TICAM1: variants seen among roughly 807,000 people sequenced by gnomAD.
TICAM1 encodes the protein TIR domain containing adaptor molecule 1.
For missense variants in TICAM1, 895 were observed against 938.2 expected (o/e 0.95, Z 0.60); for synonymous variants, 439 against 415.4 (o/e 1.06, Z -0.69).
chr19:4,817,247 G>A lies in TICAM1; in HGVS notation c.1131C>T (p.Thr377=). 1 of 1,613,474 alleles carries A rather than the reference G, an allele frequency of 6.2e-7. No individual in the cohort carries two copies. Among genetic ancestry groups the A allele is most frequent in the African/African-American group, 1.3e-5 (1 of 74,806 alleles). The change falls in exon 2 of 2, where the codon ACC becomes ACT. Residue 377 remains threonine (T), a synonymous_variant. Coordinates refer to ENST00000248244, the MANE Select transcript of TICAM1 (RefSeq NM_182919.4). The surrounding 1 kb of genome is among the most constrained non-coding windows in gnomAD (Gnocchi z 4.7). ...PSSTPCSAHL[T]PSSLFPSSLE... ...GGGAGGAAGGGAACAGGGAGGAGGGGGTCAGGTGAGCTGAACAAGGAGTAG... is the reference window on the plus strand; with the variant it reads ...GGGAGGAAGGGAACAGGGAGGAGGGAGTCAGGTGAGCTGAACAAGGAGTAG...
chr19:4,817,468 A>C lies in TICAM1; in HGVS notation c.910T>G (p.Cys304Gly), dbSNP rs530685103. Residue 304 changes from cysteine (C) to glycine (G), a missense_variant, in exon 2 of 2, where the codon TGC becomes GGC. Physicochemically the swap from Cys to Gly is radical, Grantham distance 159. Coordinates refer to ENST00000248244, the MANE Select transcript of TICAM1 (RefSeq NM_182919.4). The surrounding 1 kb of genome is among the most constrained non-coding windows in gnomAD (Gnocchi z 4.7). ...PETSTNYPVE[C>G]TEGSAGPQSL... ...TGGGGGCCTGCAGACCCCTCGGTGCACTCCACTGGGTAGTTGGTGCTGGTT... is the reference window on the plus strand; with the variant it reads ...TGGGGGCCTGCAGACCCCTCGGTGCCCTCCACTGGGTAGTTGGTGCTGGTT... The C allele has an allele frequency of 2.5e-6, 4 of 1,613,908 alleles. No individual in the cohort carries two copies. Among genetic ancestry groups the C allele is most frequent in the South Asian group, 2.2e-5 (2 of 91,066 alleles).
intron 1 of TICAM1, among the ~76,000 whole-genome samples, chr19:4,826,375 A>C (rs2093605425): frequency 6.6e-6 from 1 of 152,008 alleles, no homozygotes; most frequent in Admixed American, 6.6e-5. Context: ...TCCAGGCTAG[A>C]GTGCAATGGC....
chr19:4,816,261 T>C lies in TICAM1; in HGVS notation c.2117A>G (p.Asp706Gly). The change falls in exon 2 of 2, where the codon GAC (aspartate) becomes GGC (glycine). Residue 706 changes from aspartate (D) to glycine (G), a missense_variant. Physicochemically the swap from Asp to Gly is moderately conservative, Grantham distance 94. Transcript: ENST00000248244. This position sits in a 1 kb window ranked among gnomAD's most constrained non-coding sequence, Gnocchi z 4.3. ...CGGTCATTCTGCCTCCTGCGTCTTG[T>C]CCTCGGGCGCCTGGGACCCTCTCTG... The part of the protein sequence containing the change: ...WNQRGSQAPE[D>G]KTQEAE 1 of 1,513,346 alleles carries C rather than the reference T, an allele frequency of 6.6e-7. No individual in the cohort carries two copies. The highest frequency in any genetic ancestry group is 2.3e-5 in the Admixed American group (1 of 44,308). The allele number at this position is 1,513,346 out of a possible 1,614,324, so 93.7% of individuals were successfully genotyped here. A position where few individuals can be genotyped will look rare whatever the true frequency, so the allele number is the denominator to read the frequency against.
At chr19:4,821,644 AT>A (rs67187848) in intron 1 of TICAM1, among the ~76,000 whole-genome samples, 14,771 of 136,460 alleles carry the variant, frequency 0.11, 774 homozygotes, top group Non-Finnish European at 0.15. Flanking sequence ...ATGGCCCACG[AT>A]TTTTTTTTTT....
rs1344974408 is a variant in TICAM1 at position 4,817,076 on chromosome 19, C to G, written c.1302G>C (p.Pro434=). Residue 434 remains proline, a synonymous_variant, in exon 2 of 2, where the codon CCG becomes CCC. Transcript: ENST00000248244. This position sits in a 1 kb window ranked among gnomAD's most constrained non-coding sequence, Gnocchi z 4.7. ...GATFCEDFQV[P]GRGELSCLQD... is the part of the protein sequence containing the mutation. ...GCAGGCAGCTCAGCTCCCCGCGCCC[C>G]GGCACCTGGAAATCCTCGCAGAAGG... 5.0e-6 allele frequency: 8 copies of G among 1,613,986 alleles called. No individual in the cohort carries two copies. The African/African-American group carries it at 8.0e-5, about 16-fold the overall frequency.
Position 4,817,698 on chromosome 19 carries a change from G to T in TICAM1, c.680C>A (p.Pro227His). 1 of 1,590,510 alleles carries T rather than the reference G, an allele frequency of 6.3e-7. No individual in the cohort carries two copies. ...FLSLHRSPHG[P>H]SKLCDDPQAS... ...CTGGGGGTCGTCACAGAGCTTGCTG[G>T]GCCCATGTGGGCTGCGGTGCAGGCT... is the stretch of plus-strand genomic sequence containing the variant. Residue 227 changes from proline to histidine, a missense_variant, in exon 2 of 2, where the codon CCC becomes CAC. Pro to His is a moderately conservative substitution (Grantham distance 77). Transcript: ENST00000248244. This position sits in a 1 kb window ranked among gnomAD's most constrained non-coding sequence, Gnocchi z 4.7.
chr19:4,827,068 C>G (rs559047275), intron 1 of TICAM1, among the ~76,000 whole-genome samples: 1 of 151,734 alleles, frequency 6.6e-6, no homozygotes. Flanking sequence ...AAAGGCCAGA[C>G]GGCCGGGCGC....
chr19:4,820,061 G>C (rs1378162314), intron 1 of TICAM1, among the ~76,000 whole-genome samples: 1 of 152,098 alleles, frequency 6.6e-6, no homozygotes, highest in Non-Finnish European at 1.5e-5. Context: ...TAGATTTTTA[G>C]AAATCCGCTC....
chr19:4,827,187 C>T (rs572897681), intron 1 of TICAM1, among the ~76,000 whole-genome samples: 1 of 150,540 alleles, frequency 6.6e-6, no homozygotes, highest in Non-Finnish European at 1.5e-5. Flanking sequence ...CCCGTCTGTA[C>T]TAAAAATACA....
chr19:4,818,604 G>C lies in TICAM1; in HGVS notation c.-139-88C>G. The C allele has an allele frequency of 1.2e-6, 1 of 864,824 alleles. No homozygotes were observed. The highest frequency in any genetic ancestry group is 1.6e-6 in the Non-Finnish European group (1 of 611,808). The allele number at this position is 864,824 out of a possible 1,614,324, so 53.6% of individuals were successfully genotyped here. A position where few individuals can be genotyped will look rare whatever the true frequency, so the allele number is the denominator to read the frequency against. On this transcript the variant is annotated intron_variant, in intron 1 of 1. Transcript: ENST00000248244. The surrounding 1 kb of genome is among the most constrained non-coding windows in gnomAD (Gnocchi z 4.0). ...CCACACACCCCCGCCTGCTTTCCCC[G>C]CCTGCCACCCAGACCTAGCCAGGTG...
rs943790887 is a variant in TICAM1 at position 4,818,111 on chromosome 19, G to C, written c.267C>G (p.Pro89=). 6.2e-7 allele frequency: 1 copy of C among 1,608,152 alleles called. No homozygotes were observed. The highest frequency in any genetic ancestry group is 1.7e-5 in the Admixed American group (1 of 59,980). The change falls in exon 2 of 2, where the codon CCC becomes CCG. Residue 89 remains proline (P), a synonymous_variant. Transcript: ENST00000248244. The surrounding 1 kb of genome is among the most constrained non-coding windows in gnomAD (Gnocchi z 4.0). ...GVDSTEDPEE[P]PDVSWAVARL... ...GGGCCACAGCCCAGGACACATCTGG[G>C]GGCTCCTCTGGGTCCTCGGTGCTGT...
rs1425299327 is a variant in TICAM1, at chr19:4,818,331, C to T, written c.47G>A (p.Gly16Asp). The T allele has an allele frequency of 2.5e-6, 4 of 1,611,836 alleles. No individual in the cohort carries two copies. The highest frequency in any genetic ancestry group is 2.2e-5 in the East Asian group (1 of 44,894). Residue 16 changes from glycine to aspartate, a missense_variant, in exon 2 of 2, where the codon GGT becomes GAT. Transcript: ENST00000248244. This position sits in a 1 kb window ranked among gnomAD's most constrained non-coding sequence, Gnocchi z 4.0. ...CAAGAGCTTGTCCTGGCCTGCTGCA[C>T]CTAGAATGTCGAAGGCGCTAGGAAG... The part of the protein sequence containing the change: ...PSLPSAFDIL[G>D]AAGQDKLLYL...
At chr19:4,827,524 C>T (rs564895650) in intron 1 of TICAM1, among the ~76,000 whole-genome samples, 6 of 151,026 alleles carry the variant, frequency 4.0e-5, no homozygotes, top group South Asian at 2.1e-4. Flanking sequence ...TTTGGGAGGC[C>T]GAGGCGGGCA....
chr19:4,827,357 G>GTGAAACT (rs1555731130), intron 1 of TICAM1, among the ~76,000 whole-genome samples: 164 of 87,642 alleles, frequency 1.9e-3, no homozygotes, highest in African/African-American at 6.6e-3. Context: ...GGCTACAAGA[G>GTGAAACT]TGAAACTCTG....
In TICAM1 at chr19:4,817,015, G is replaced by A. The variant is rs2093587073; in HGVS notation, c.1363C>T (p.Leu455Phe). 6.2e-7 allele frequency: 1 copy of A among 1,614,036 alleles called. No individual in the cohort carries two copies. The highest frequency in any genetic ancestry group is 8.5e-7 in the Non-Finnish European group (1 of 1,180,034). ...AIDHSAFIIL[L>F]LTSNFDCRLS... ...CGACAGTCGAAGTTGGAGGTGAGAA[G>A]TAGGATGATGAAAGCTGAGTGGTCT... Residue 455 changes from leucine (L) to phenylalanine (F), a missense_variant, in exon 2 of 2, where the codon CTT becomes TTT. Transcript: ENST00000248244. This position sits in a 1 kb window ranked among gnomAD's most constrained non-coding sequence, Gnocchi z 4.7.
chr19:4,820,833 G>A (rs7252263), intron 1 of TICAM1, among the ~76,000 whole-genome samples: 87,498 of 151,392 alleles, frequency 0.58, 26,385 homozygotes, highest in African/African-American at 0.76. Flanking sequence ...GCAGTGAGCC[G>A]AGATCGTGCC....
At chr19:4,826,067 C>G (rs1021813681) in intron 1 of TICAM1, among the ~76,000 whole-genome samples, 4 of 151,786 alleles carry the variant, frequency 2.6e-5, no homozygotes, top group African/African-American at 9.7e-5. Flanking sequence ...AGACTGAGGT[C>G]AGAGGATCGC....
Position 4,817,638 on chromosome 19 carries a change from C to A in TICAM1, c.740G>T (p.Cys247Phe). Reference sequence around the variant, plus strand: ...CCAGCTCATCTCCTCAGGCTCCTGGCAGCCACCGGGGACAGGCTCGGGCAC... The same window carrying A: ...CCAGCTCATCTCCTCAGGCTCCTGGAAGCCACCGGGGACAGGCTCGGGCAC... ...SLVPEPVPGG[C>F]QEPEEMSWPP... Residue 247 changes from cysteine to phenylalanine, a missense_variant, in exon 2 of 2, where the codon TGC (cysteine) becomes TTC (phenylalanine). Coordinates refer to ENST00000248244, the MANE Select transcript of TICAM1 (RefSeq NM_182919.4). This position sits in a 1 kb window ranked among gnomAD's most constrained non-coding sequence, Gnocchi z 4.7. 1 of 1,584,844 alleles carries A rather than the reference C, an allele frequency of 6.3e-7. No individual in the cohort carries two copies. Among genetic ancestry groups the A allele is most frequent in the Non-Finnish European group, 8.6e-7 (1 of 1,165,508 alleles).
intron 1 of TICAM1, among the ~76,000 whole-genome samples, chr19:4,826,544 C>T (rs1308204068): frequency 6.6e-6 from 1 of 152,066 alleles, no homozygotes; most frequent in East Asian, 1.9e-4. Context: ...AGGCTGGTCT[C>T]GAACTCCTGA....
Sources: allele counts gnomAD v4.1 joint callset (sites outside exome capture counted in the v4.1 genomes callset), GRCh38; gene constraint gnomAD v4.1.1; non-coding constraint Gnocchi (gnomAD v3.1); transcripts MANE v1.5; gene names NCBI Gene and HGNC (gene_info 2026-07-23, HGNC 2026-07-21).